Variants in PCDHGA2 observed in about 807,000 individuals in gnomAD.
PCDHGA2 encodes the protein protocadherin gamma subfamily A, 2, also known as protocadherin gamma-A2.
A neutral mutation model predicts 59.2 loss-of-function variants in PCDHGA2; 40 were observed. The observed-to-expected ratio is 0.68, with a 90% CI of 0.52 to 0.88. The LOEUF is 0.88. PCDHGA2 is among the 40% of genes least tolerant of loss of function. The pLI is 0.00. For missense variants in PCDHGA2, 1,226 were observed against 1,204.0 expected (o/e 1.02, Z -0.27); for synonymous variants, 560 against 526.0 (o/e 1.06, Z -0.89).
In PCDHGA2 at chr5:141,486,407, C is replaced by A; in HGVS notation, c.2425-8400C>A. The A allele has an allele frequency of 6.2e-7, 1 of 1,614,134 alleles. No homozygotes were observed. The highest frequency in any genetic ancestry group is 8.5e-7 in the Non-Finnish European group (1 of 1,180,000). On this transcript the variant is annotated intron_variant, in intron 1 of 3. Transcript: ENST00000394576. This position sits in a 1 kb window ranked among gnomAD's most constrained non-coding sequence, Gnocchi z 5.0. Reference sequence around the variant, plus strand: ...CCAGTTCTCCCTGGTGACTGCTGGACCCTTGGATCGAGAGGCCAAATCTAG... The same window carrying A: ...CCAGTTCTCCCTGGTGACTGCTGGAACCTTGGATCGAGAGGCCAAATCTAG...
intron 1 of PCDHGA2, chr5:141,414,478 C>T (rs977591382): frequency 5.6e-6 from 9 of 1,613,884 alleles, no homozygotes; most frequent in Non-Finnish European, 3.4e-6. Flanking sequence ...GGGAAGTCCT[C>T]CTCTATCAAC....
At chr5:141,376,410 C>T (rs1042594456) in intron 1 of PCDHGA2, 20 of 1,614,226 alleles carry the variant, frequency 1.2e-5, no homozygotes, top group Non-Finnish European at 1.7e-5. Flanking sequence ...CCCAACTATG[C>T]CGACACGCTT....
chr5:141,375,417 C>G lies in PCDHGA2; in HGVS notation c.2424+34022C>G. ...ATCATCTCTCTAAATGTGGCAGACA[C>G]CAACGACAACCCGCCCACCTTCCCC... On this transcript the variant is annotated intron_variant, in intron 1 of 3. Coordinates refer to ENST00000394576, the MANE Select transcript of PCDHGA2 (RefSeq NM_018915.4). The G allele has an allele frequency of 1.9e-6, 3 of 1,613,976 alleles. No homozygotes were observed. The South Asian group carries it at 3.3e-5, about 18-fold the overall frequency.
At chr5:141,435,010 G>A (rs2097736933) in intron 1 of PCDHGA2, among the ~76,000 whole-genome samples, 1 of 151,950 alleles carries the variant, frequency 6.6e-6, no homozygotes, top group Non-Finnish European at 1.5e-5. Flanking sequence ...ATTTATCAAT[G>A]ATAATGCTCT....
chr5:141,412,987 A>C lies in PCDHGA2; in HGVS notation c.2424+71592A>C, dbSNP rs192699644. Reference sequence around the variant, plus strand: ...AGGAGAGAAAACGCAGCCAGAGCTCAATCCGGATTCTCAGGGCTTCAACTA... The same window carrying C: ...AGGAGAGAAAACGCAGCCAGAGCTCCATCCGGATTCTCAGGGCTTCAACTA... On this transcript the variant is annotated intron_variant, in intron 1 of 3. Transcript: ENST00000394576. The C allele has an allele frequency of 5.3e-6, 3 of 564,534 alleles. No homozygotes were observed. In the African/African-American group the frequency reaches 5.7e-5, roughly 11 times the overall value. The allele number at this position is 564,534 out of a possible 1,614,324, so 35.0% of individuals were successfully genotyped here.
At chr5:141,399,652 G>A in intron 1 of PCDHGA2, 1 of 1,613,758 alleles carries the variant, frequency 6.2e-7, no homozygotes, top group Non-Finnish European at 8.5e-7. Flanking sequence ...GCAAAGTGGG[G>A]TGGTGTTCGC....
intron 3 of PCDHGA2, among the ~76,000 whole-genome samples, chr5:141,506,146 T>C (rs1014881418): frequency 6.6e-6 from 1 of 152,086 alleles, no homozygotes; most frequent in African/African-American, 2.4e-5. Context: ...AAGAATATCA[T>C]TTGTCCTTAA....
Position 141,505,432 on chromosome 5 carries a change from C to T in PCDHGA2, c.2523C>T (p.Asn841=), listed in dbSNP as rs776731214. Residue 841 remains asparagine, a synonymous_variant, in exon 3 of 4, where the codon AAC becomes AAT. Transcript: ENST00000394576. ...ATGACACCGGCACCTGGCCCAACAA[C>T]CAGTTTGACACAGAGATGCTGCAAG... ...NGDDTGTWPN[N]QFDTEMLQAM... 6.2e-7 allele frequency: 1 copy of T among 1,614,252 alleles called. No homozygotes were observed. Among genetic ancestry groups the T allele is most frequent in the Non-Finnish European group, 8.5e-7 (1 of 1,180,048 alleles).
chr5:141,438,700 AC>A (rs2098052453), intron 1 of PCDHGA2, among the ~76,000 whole-genome samples: 1 of 144,406 alleles, frequency 6.9e-6, no homozygotes, highest in Non-Finnish European at 1.5e-5. Context: ...TTGCTCTGTC[AC>A]CCAGGCTGGA....
At chr5:141,385,055 G>A (rs773905363) in intron 1 of PCDHGA2, 3 of 1,614,182 alleles carry the variant, frequency 1.9e-6, no homozygotes, top group South Asian at 1.1e-5. Context: ...CTGCGGCGCT[G>A]GCACAAGTCA....
In PCDHGA2 at chr5:141,340,129, C is replaced by A. The variant is rs1443877552; in HGVS notation, c.1158C>A (p.Leu386=). 1 of 1,614,144 alleles carries A rather than the reference C, an allele frequency of 6.2e-7. No individual in the cohort carries two copies. Among genetic ancestry groups the A allele is most frequent in the South Asian group, 1.1e-5 (1 of 91,076 alleles). Residue 386 remains leucine (L), a synonymous_variant, in exon 1 of 4, where the codon CTC becomes CTA. Coordinates refer to ENST00000394576, the MANE Select transcript of PCDHGA2 (RefSeq NM_018915.4). ...SGQNAFTTCS[L]PEDLPFKLEK... ...AGAACGCATTCACCACCTGTTCACTCCCCGAGGATCTTCCTTTTAAGTTAG... is the reference window on the plus strand; with the variant it reads ...AGAACGCATTCACCACCTGTTCACTACCCGAGGATCTTCCTTTTAAGTTAG...
chr5:141,421,837 G>A, intron 1 of PCDHGA2: 1 of 1,613,782 alleles, frequency 6.2e-7, no homozygotes. Flanking sequence ...CCTGGACCGA[G>A]AGAAAGAGGC....
chr5:141,395,515 C>T (rs527577408), intron 1 of PCDHGA2: 5 of 407,340 alleles, frequency 1.2e-5, no homozygotes, highest in South Asian at 7.2e-5. Context: ...AGTAGCTACC[C>T]GTCCATACTG....
At chr5:141,382,874 GC>G in intron 1 of PCDHGA2, 1 of 1,523,072 alleles carries the variant, frequency 6.6e-7, no homozygotes, top group Non-Finnish European at 8.8e-7. Context: ...CGAGATCGGC[GC>G]CTAAGCAAGA....
Position 141,489,079 on chromosome 5 carries a change from C to CCCCA in PCDHGA2, c.2425-5727_2425-5726insCCAC. ...CTCCCCTCCCCCCTGCCCACCCCCGCCACTCGGTGACTAAGAACTGCTGCA... is the reference window on the plus strand; with the variant it reads ...CTCCCCTCCCCCCTGCCCACCCCCGCCCCACACTCGGTGACTAAGAACTGCTGCA... On this transcript the variant is annotated intron_variant, in intron 1 of 3. Transcript: ENST00000394576. This position sits in a 1 kb window ranked among gnomAD's most constrained non-coding sequence, Gnocchi z 4.5. The CCCCA allele has an allele frequency of 9.1e-6, 3 of 329,992 alleles. No homozygotes were observed. Among genetic ancestry groups the CCCCA allele is most frequent in the African/African-American group, 2.4e-5 (1 of 41,312 alleles). The allele number at this position is 329,992 out of a possible 1,614,324, so 20.4% of individuals were successfully genotyped here.
At chr5:141,409,290 G>A in intron 1 of PCDHGA2, 1 of 1,613,974 alleles carries the variant, frequency 6.2e-7, no homozygotes. Context: ...TCACCTCCAG[G>A]AATGGTTGTT....
Position 141,490,983 on chromosome 5 carries a change from C to T in PCDHGA2, c.2425-3824C>T. ...ACTCAGCCCCCCAGCGTCTCCCTCG[C>T]TCTGCTCCTCCTGGCTCCTTGGTCA... On this transcript the variant is annotated intron_variant, in intron 1 of 3. Transcript: ENST00000394576. The surrounding 1 kb of genome is among the most constrained non-coding windows in gnomAD (Gnocchi z 5.4). 2 of 1,614,120 alleles carry T rather than the reference C, an allele frequency of 1.2e-6. No individual in the cohort carries two copies. Among genetic ancestry groups the T allele is most frequent in the South Asian group, 2.2e-5 (2 of 91,082 alleles).
chr5:141,413,230 C>T (rs2095618383), intron 1 of PCDHGA2: 4 of 1,613,826 alleles, frequency 2.5e-6, no homozygotes, highest in Non-Finnish European at 3.4e-6. Flanking sequence ...CGGGCTGGTC[C>T]TGCTCTGCCT....
In PCDHGA2 at chr5:141,340,407, C is replaced by G. The variant is rs201743768; in HGVS notation, c.1436C>G (p.Pro479Arg). Residue 479 changes from proline to arginine, a missense_variant, in exon 1 of 4, where the codon CCC becomes CGC. Physicochemically the swap from Pro to Arg is moderately radical, Grantham distance 103. Coordinates refer to ENST00000394576, the MANE Select transcript of PCDHGA2 (RefSeq NM_018915.4). ...ASVFSVTAHD[P>R]DSNDNAHVTY... Reference sequence around the variant, plus strand: ...GTCTTCTCAGTGACGGCCCATGACCCCGACAGCAACGACAATGCTCATGTA... The same window carrying G: ...GTCTTCTCAGTGACGGCCCATGACCGCGACAGCAACGACAATGCTCATGTA... 1 of 1,614,176 alleles carries G rather than the reference C, an allele frequency of 6.2e-7. No homozygotes were observed. Among genetic ancestry groups the G allele is most frequent in the African/African-American group, 1.3e-5 (1 of 75,024 alleles).
Sources: gnomAD v4.1 joint callset for allele counts (sites outside exome capture counted in the v4.1 genomes callset) on GRCh38, gnomAD v4.1.1 for gene constraint, Gnocchi (gnomAD v3.1) non-coding constraint, MANE v1.5 for transcripts, NCBI Gene and HGNC (gene_info 2026-07-23, HGNC 2026-07-21) for gene names.